Variants in TBL1XR1 observed in about 807,000 individuals in gnomAD.
TBL1XR1 encodes the protein F-box-like/WD repeat-containing protein TBL1XR1.
TBL1XR1 carries 5 observed loss-of-function variants against 66.9 expected under a neutral mutation model. The observed-to-expected ratio is 0.07, with a 90% CI of 0.04 to 0.16. TBL1XR1 has a LOEUF of 0.16. Among genes scored for constraint, TBL1XR1 ranks in the 10% least tolerant of loss-of-function variants. The pLI, the probability that TBL1XR1 is intolerant of heterozygous loss-of-function variation, is 1.00. For missense variants in TBL1XR1, 238 were observed against 623.2 expected (o/e 0.38, Z 6.58); for synonymous variants, 210 against 206.0 (o/e 1.02, Z -0.17).
chr3:177,200,066 A>G (rs1216334143), upstream of TBL1XR1, among the ~76,000 whole-genome samples: 1 of 151,912 alleles, frequency 6.6e-6, no homozygotes, highest in Non-Finnish European at 1.5e-5. Context: ...TCTGCCTCCC[A>G]GGTTCAAGCG....
chr3:177,075,378 G>T (rs74921839), intron 2 of TBL1XR1, among the ~76,000 whole-genome samples: 2 of 152,162 alleles, frequency 1.3e-5, no homozygotes, highest in African/African-American at 2.4e-5. Flanking sequence ...TGCCAATAAC[G>T]TCATCTTAAC....
intron 2 of TBL1XR1, among the ~76,000 whole-genome samples, chr3:177,077,189 A>T (rs1720800118): frequency 6.6e-6 from 1 of 152,214 alleles, no homozygotes; most frequent in African/African-American, 2.4e-5. Flanking sequence ...CGCTGCATAC[A>T]TCTCTAGGGA....
intron 1 of TBL1XR1, among the ~76,000 whole-genome samples, chr3:177,181,467 C>G (rs555159639): frequency 2.2e-5 from 3 of 134,170 alleles, no homozygotes; most frequent in African/African-American, 8.7e-5. Flanking sequence ...GTGACAGAGC[C>G]AGACTCCGTC....
intron 14 of TBL1XR1, among the ~76,000 whole-genome samples, chr3:177,030,016 T>C (rs886364750): frequency 2.0e-5 from 3 of 152,154 alleles, no homozygotes; most frequent in East Asian, 3.9e-4. Flanking sequence ...TGTATGCACG[T>C]TGAAGAGCAG....
At position 177,180,372 on chromosome 3, in the gene TBL1XR1, TCCC is replaced by T. The variant is rs72342249; in HGVS notation, c.-122+16746_-122+16748del. On this transcript the variant is annotated intron_variant, in intron 1 of 15. Transcript: ENST00000457928. ...GGGAAAAGCCCATAAATACGTTCAT[TCCC>T]CCCCCCCCCATTTAATAGTACCTTG... 7.0e-3 allele frequency among the ~76,000 whole-genome samples: 925 copies of T among 131,852 alleles called. 36 individuals are homozygous for T. In the East Asian group the frequency reaches 0.093, roughly 13 times the overall value. 86.5% of individuals were successfully genotyped at this position (131,852 alleles called of 152,430 possible). A position where few individuals can be genotyped will look rare whatever the true frequency, so the allele number is the denominator to read the frequency against.
At chr3:177,113,132 A>G (rs1426301135) in intron 1 of TBL1XR1, among the ~76,000 whole-genome samples, 1 of 152,192 alleles carries the variant, frequency 6.6e-6, no homozygotes, top group Non-Finnish European at 1.5e-5. Context: ...GTCTTCAATA[A>G]ATGGTTTTGG....
intron 1 of TBL1XR1, among the ~76,000 whole-genome samples, chr3:177,173,300 T>G (rs1733780782): frequency 6.6e-6 from 1 of 152,200 alleles, no homozygotes; most frequent in East Asian, 1.9e-4. Context: ...TTAACATCCC[T>G]TTGCCTTGCA....
chr3:177,127,599 T>C (rs1217425421), intron 1 of TBL1XR1, among the ~76,000 whole-genome samples: 1 of 152,220 alleles, frequency 6.6e-6, no homozygotes, highest in East Asian at 1.9e-4. Context: ...CTGAGATCTA[T>C]AACAGCTGCA....
intron 1 of TBL1XR1, among the ~76,000 whole-genome samples, chr3:177,139,319 C>T (rs1472302351): frequency 2.6e-5 from 4 of 152,206 alleles, no homozygotes; most frequent in Middle Eastern, 3.4e-3. Context: ...GTCAGAAGTT[C>T]GAGACCAGCC....
intron 1 of TBL1XR1, among the ~76,000 whole-genome samples, chr3:177,152,873 T>A (rs1365327889): frequency 6.6e-6 from 1 of 152,172 alleles, no homozygotes; most frequent in Admixed American, 6.5e-5. Context: ...CTGGCTCACA[T>A]TCCTATTAAG....
intron 1 of TBL1XR1, among the ~76,000 whole-genome samples, chr3:177,116,303 T>C (rs1220857368): frequency 6.6e-6 from 1 of 152,300 alleles, no homozygotes; most frequent in East Asian, 1.9e-4. Flanking sequence ...CCTTGGTGGA[T>C]GGCGCCACTT....
At chr3:177,146,759 T>A (rs918499492) in intron 1 of TBL1XR1, among the ~76,000 whole-genome samples, 1 of 152,036 alleles carries the variant, frequency 6.6e-6, no homozygotes, top group Admixed American at 6.6e-5. Context: ...GTCCGTTGTT[T>A]TCCTTAAAGT....
Position 177,098,557 on chromosome 3 carries a change from G to A in TBL1XR1, c.-121-16C>T. The A allele has an allele frequency of 1.0e-6, 1 of 985,324 alleles. No homozygotes were observed. Among genetic ancestry groups the A allele is most frequent in the East Asian group, 1.1e-4 (1 of 8,814 alleles). 61.0% of individuals were successfully genotyped at this position (985,324 alleles called of 1,614,324 possible). ...GTTGTTGATGCTGAGGAAAAGGAAA[G>A]TAAAGTATTCAATGTGCCCTAAAAC... is the stretch of plus-strand genomic sequence containing the variant. On this transcript the variant is annotated splice_polypyrimidine_tract_variant and intron_variant, in intron 1 of 15. Transcript: ENST00000457928.
intron 1 of TBL1XR1, among the ~76,000 whole-genome samples, chr3:177,171,024 C>G (rs1432154881): frequency 6.6e-6 from 1 of 152,064 alleles, no homozygotes; most frequent in Non-Finnish European, 1.5e-5. Flanking sequence ...AACTATTATA[C>G]AATCACGTTC....
At chr3:177,186,836 A>G (rs1182483863) in intron 1 of TBL1XR1, among the ~76,000 whole-genome samples, 3 of 152,190 alleles carry the variant, frequency 2.0e-5, no homozygotes, top group African/African-American at 4.8e-5. Context: ...CTGTAATCCC[A>G]GCACTTTGGG....
intron 14 of TBL1XR1, among the ~76,000 whole-genome samples, chr3:177,031,169 T>G (rs1268671717): frequency 2.0e-5 from 3 of 152,142 alleles, no homozygotes; most frequent in Non-Finnish European, 4.4e-5. Context: ...ATTAGTGTCT[T>G]CCCACAAACA....
chr3:177,064,441 A>G (rs193048180), intron 3 of TBL1XR1, among the ~76,000 whole-genome samples: 2 of 152,330 alleles, frequency 1.3e-5, no homozygotes, highest in East Asian at 3.9e-4. Context: ...AATGATTTCT[A>G]TTTATAATTA....
chr3:177,086,912 A>G (rs367546468), intron 2 of TBL1XR1: 9 of 151,838 alleles, frequency 5.9e-5, no homozygotes, highest in African/African-American at 2.2e-4. Context: ...TTCTTACAAT[A>G]AAAGAAGCTA....
intron 1 of TBL1XR1, among the ~76,000 whole-genome samples, chr3:177,128,899 T>A (rs1727965763): frequency 6.6e-6 from 1 of 152,208 alleles, no homozygotes; most frequent in Non-Finnish European, 1.5e-5. Context: ...ACTTTCCTCA[T>A]TTATGTCCAT....
Sources: gnomAD v4.1 joint callset for allele counts (sites outside exome capture counted in the v4.1 genomes callset) on GRCh38, gnomAD v4.1.1 for gene constraint, MANE v1.5 for transcripts, NCBI Gene and HGNC (gene_info 2026-07-23, HGNC 2026-07-21) for gene names.